The following CFAP54 variants were observed in gnomAD, a reference collection of about 807,000 sequenced individuals.
The protein encoded by CFAP54 is cilia- and flagella-associated protein 54.
CFAP54 carries 290 observed loss-of-function variants against 370.4 expected under a neutral mutation model. The ratio of observed to expected loss-of-function variants is 0.78; its 90% CI spans 0.71 to 0.86. The LOEUF (loss-of-function observed/expected upper bound fraction) is 0.86, where lower values mean the gene tolerates loss of function less well. Ranked by LOEUF, CFAP54 falls within the 40% of genes least tolerant of loss-of-function variation. CFAP54 has a pLI of 0.00. For missense variants in CFAP54, 3,399 were observed against 3,528.7 expected, an observed-to-expected ratio of 0.96 and a Z score of 0.93; for synonymous variants, 1,206 against 1,236.5, an observed-to-expected ratio of 0.98 and a Z score of 0.52.
Position 96,658,333 on chromosome 12 carries a change from A to T in CFAP54, c.5447A>T (p.Glu1816Val), listed in dbSNP as rs565457311. 4.9e-5 allele frequency: 79 copies of T among 1,614,074 alleles called. No homozygotes were observed. Among genetic ancestry groups the T allele is most frequent in the Non-Finnish European group, 6.5e-5 (77 of 1,179,982 alleles). Reference sequence around the variant, plus strand: ...CAACCTTGTGCAAGGTATGAGGCTGAATATGGAGAGAAGGTAAGTTTAAGT... The same window carrying T: ...CAACCTTGTGCAAGGTATGAGGCTGTATATGGAGAGAAGGTAAGTTTAAGT... ...TQQPCARYEA[E>V]YGEKITCRNF... Residue 1816 changes from glutamate (E) to valine (V), a missense_variant, in exon 38 of 68, where the codon GAA becomes GTA. Physicochemically the swap from Glu to Val is moderately radical, Grantham distance 121. This residue lies in a region of CFAP54 where 2,796 missense variants were observed against 2,869.7 expected (regional missense o/e 0.97). Coordinates refer to ENST00000524981, the MANE Select transcript of CFAP54 (RefSeq NM_001306084.2).
intron 13 of CFAP54, among the ~76,000 whole-genome samples, chr12:96,539,940 A>G (rs1226271850): frequency 1.3e-5 from 2 of 152,356 alleles, no homozygotes; most frequent in Non-Finnish European, 2.9e-5. Context: ...TGGAAGCTGC[A>G]TAAGATTAGC....
chr12:96,584,549 C>T (rs1290106519), intron 22 of CFAP54, among the ~76,000 whole-genome samples: 1 of 152,110 alleles, frequency 6.6e-6, no homozygotes, highest in Admixed American at 6.5e-5. Flanking sequence ...TCTTTCCACT[C>T]ATCTATTATT....
chr12:96,705,130 G>A (rs920392661), intron 47 of CFAP54, among the ~76,000 whole-genome samples: 4 of 152,160 alleles, frequency 2.6e-5, no homozygotes, highest in African/African-American at 9.7e-5. Context: ...CACAACCATT[G>A]TTAAAGGGGG....
At chr12:96,614,286 A>C (rs914801856) in intron 26 of CFAP54, among the ~76,000 whole-genome samples, 5 of 152,256 alleles carry the variant, frequency 3.3e-5, no homozygotes, top group Non-Finnish European at 7.3e-5. Context: ...CAATAGATGC[A>C]GAAAAGGCCT....
At chr12:96,700,760 A>G (rs900780184) in intron 46 of CFAP54, among the ~76,000 whole-genome samples, 2 of 152,156 alleles carry the variant, frequency 1.3e-5, no homozygotes, top group Admixed American at 6.5e-5. Flanking sequence ...CTGGGTGATC[A>G]TGCTTCAGGC....
At position 96,539,172 on chromosome 12, in the gene CFAP54, T is replaced by G. The variant is rs183187575; in HGVS notation, c.1926+654T>G. Among the ~76,000 whole-genome samples, 746 of 149,206 alleles carry G rather than the reference T, an allele frequency of 5.0e-3. 11 individuals carry two copies. The highest frequency in any genetic ancestry group is 0.017 in the African/African-American group (702 of 40,460). ...GCCTGCCGGGTTCAAGCGATTCTCC[T>G]GCCTCAGCTTCTGGAGTAGCTGCGA... On this transcript the variant is annotated intron_variant, in intron 13 of 67. Coordinates refer to ENST00000524981, the MANE Select transcript of CFAP54 (RefSeq NM_001306084.2).
intron 35 of CFAP54, 46 bp from the exon 36 acceptor site, chr12:96,651,542 T>C (rs1392804984): frequency 1.3e-6 from 2 of 1,485,650 alleles, no homozygotes; most frequent in Non-Finnish European, 1.9e-6. Context: ...CAGAGATCTG[T>C]AACTTTTGGA....
intron 25 of CFAP54, 53 bp downstream of exon 25, chr12:96,594,499 C>G: frequency 7.6e-7 from 1 of 1,322,166 alleles, no homozygotes; most frequent in Non-Finnish European, 1.0e-6. Context: ...GGCAACTTAA[C>G]AATTCATTTT....
At chr12:96,720,130 A>G (rs553215729) in intron 49 of CFAP54, among the ~76,000 whole-genome samples, 1 of 152,342 alleles carries the variant, frequency 6.6e-6, no homozygotes, top group African/African-American at 2.4e-5. Flanking sequence ...CAAGAACTTT[A>G]TAGAACATAA....
At chr12:96,504,789 T>G (rs1955073173) in intron 3 of CFAP54, among the ~76,000 whole-genome samples, 1 of 152,308 alleles carries the variant, frequency 6.6e-6, no homozygotes, top group Non-Finnish European at 1.5e-5. Context: ...AATTTGGCTG[T>G]ACCATAGGTA....
chr12:96,694,708 AT>A (rs1957422048), intron 45 of CFAP54, among the ~76,000 whole-genome samples: 1 of 151,776 alleles, frequency 6.6e-6, no homozygotes, highest in African/African-American at 2.4e-5. Flanking sequence ...GGGCTGGTAA[AT>A]GTCACAATTG....
rs139155451 is a variant in CFAP54, at chr12:96,613,248, A to G, written c.3640-8342A>G. 2.6e-5 allele frequency among the ~76,000 whole-genome samples: 4 copies of G among 152,358 alleles called. No homozygotes were observed. In the East Asian group the frequency reaches 7.7e-4, roughly 29 times the overall value. On this transcript the variant is annotated intron_variant, in intron 26 of 67. Coordinates refer to ENST00000524981, the MANE Select transcript of CFAP54 (RefSeq NM_001306084.2). Reference sequence around the variant, plus strand: ...AACTGCTTAACTACATGGAAACTGAACAACCTGCTCCTGAATGACTACTGG... The same window carrying G: ...AACTGCTTAACTACATGGAAACTGAGCAACCTGCTCCTGAATGACTACTGG...
intron 48 of CFAP54, among the ~76,000 whole-genome samples, chr12:96,713,124 T>C (rs1421102257): frequency 6.6e-6 from 1 of 152,160 alleles, no homozygotes; most frequent in African/African-American, 2.4e-5. Flanking sequence ...TTGAAAACAG[T>C]ATGGTCATTC....
rs1018110079 is a variant in CFAP54 at position 96,875,522 on chromosome 12, C to CA, written c.*421dup. ...CTGCGTTTTGAAAAGAATTAATTCT[C>CA]AAGTAGATTAAAACTACATTCTGGT... On this transcript the variant is annotated 3_prime_UTR_variant, in exon 68 of 68. Transcript: ENST00000524981. The CA allele has an allele frequency of 6.6e-6, 1 of 152,144 alleles. No homozygotes were observed. The highest frequency in any genetic ancestry group is 2.4e-5 in the African/African-American group (1 of 41,428). 9.4% of individuals were successfully genotyped at this position (152,144 alleles called of 1,614,324 possible).
chr12:96,760,900 T>A (rs1478992841), intron 58 of CFAP54, among the ~76,000 whole-genome samples: 3 of 152,356 alleles, frequency 2.0e-5, no homozygotes, highest in South Asian at 2.1e-4. Context: ...ACTTTTTGGC[T>A]GTTTTGATAA....
chr12:96,705,963 A>G (rs1455402682), intron 47 of CFAP54, among the ~76,000 whole-genome samples: 2 of 152,104 alleles, frequency 1.3e-5, no homozygotes, highest in African/African-American at 4.8e-5. Context: ...TTGTTTACGT[A>G]AGGCAAATAG....
intron 66 of CFAP54, among the ~76,000 whole-genome samples, chr12:96,843,365 C>T (rs190661167): frequency 2.2e-4 from 34 of 152,252 alleles, no homozygotes; most frequent in Admixed American, 2.2e-3. Flanking sequence ...GCCAGTAATA[C>T]CATTTCTTGC....
At chr12:96,681,148 G>A (rs982716992) in intron 40 of CFAP54, among the ~76,000 whole-genome samples, 3 of 151,806 alleles carry the variant, frequency 2.0e-5, no homozygotes, top group Non-Finnish European at 1.5e-5. Context: ...GTGGGTAAGG[G>A]CATAAATAAA....
At position 96,801,162 on chromosome 12, in the gene CFAP54, A is replaced by G. The variant is rs114540486; in HGVS notation, c.8850+8663A>G. 4.9e-3 allele frequency among the ~76,000 whole-genome samples: 746 copies of G among 152,334 alleles called. 5 individuals are homozygous for G. Among genetic ancestry groups the G allele is most frequent in the African/African-American group, 0.017 (701 of 41,584 alleles). ...AGGAACTAGGGATGCTGGTGGCAGC[A>G]GAGTTGAAATCCCAGCATTGGGGAT... On this transcript the variant is annotated intron_variant, in intron 63 of 67. Coordinates refer to ENST00000524981, the MANE Select transcript of CFAP54 (RefSeq NM_001306084.2).
Sources: allele counts gnomAD v4.1 joint callset (sites outside exome capture counted in the v4.1 genomes callset), GRCh38; gene constraint gnomAD v4.1.1; regional missense constraint gnomAD v4.1.1; transcripts MANE v1.5; gene names NCBI Gene and HGNC (gene_info 2026-07-23, HGNC 2026-07-21).